TRIM66: variants seen among roughly 807,000 people sequenced by gnomAD.
TRIM66 encodes tripartite motif-containing protein 66.
Under a neutral mutation model 148.2 loss-of-function variants are expected in TRIM66, and 99 were observed. The ratio of observed to expected loss-of-function variants is 0.67; its 90% CI spans 0.57 to 0.79. The LOEUF is 0.79. Among genes scored for constraint, TRIM66 ranks in the 30% least tolerant of loss-of-function variants. The pLI is 0.00. For synonymous variants in TRIM66, 616 were observed against 635.9 expected (o/e 0.97, Z 0.47); for missense variants, 1,666 against 1,697.9 (o/e 0.98, Z 0.33).
At chr11:8,628,109 G>A (rs953681872) in intron 15 of TRIM66, among the ~76,000 whole-genome samples, 1 of 152,102 alleles carries the variant, frequency 6.6e-6, no homozygotes, top group Non-Finnish European at 1.5e-5. Context: ...TGGGATTACA[G>A]GCATGAACCA....
chr11:8,644,845 C>T (rs1394042793), intron 12 of TRIM66, among the ~76,000 whole-genome samples: 1 of 152,212 alleles, frequency 6.6e-6, no homozygotes, highest in African/African-American at 2.4e-5. Flanking sequence ...CAGAAGATAG[C>T]CTGATTCCCA....
chr11:8,666,019 C>A (rs1348864060), intron 6 of TRIM66, among the ~76,000 whole-genome samples: 1 of 151,714 alleles, frequency 6.6e-6, no homozygotes, highest in Non-Finnish European at 1.5e-5. Context: ...TAACCATGAC[C>A]CAGCCAGACT....
rs1406167240 is a variant in TRIM66, at chr11:8,619,545, G to A, written c.3748-10C>T. The A allele has an allele frequency of 6.6e-7, 1 of 1,521,916 alleles. No individual in the cohort carries two copies. 94.3% of individuals were successfully genotyped at this position (1,521,916 alleles called of 1,614,324 possible). On this transcript the variant is annotated splice_polypyrimidine_tract_variant and intron_variant, in intron 22 of 24. Coordinates refer to ENST00000646038, the MANE Select transcript of TRIM66 (RefSeq NM_001388022.1). Reference sequence around the variant, plus strand: ...GGTAATAATGCCGGGCCTTGGGGGAGGAGACATGAGGAGAAGGAGGCAAAG... The same window carrying A: ...GGTAATAATGCCGGGCCTTGGGGGAAGAGACATGAGGAGAAGGAGGCAAAG...
intron 1 of TRIM66, among the ~76,000 whole-genome samples, chr11:8,680,341 G>A (rs12363135): frequency 0.045 from 6,839 of 152,306 alleles, 181 homozygotes; most frequent in Admixed American, 0.076. Flanking sequence ...GAATACTAAC[G>A]TGGTGGAGGT....
intron 13 of TRIM66, among the ~76,000 whole-genome samples, chr11:8,642,423 C>T (rs77232328): frequency 0.042 from 6,411 of 152,282 alleles, 199 homozygotes; most frequent in Non-Finnish European, 0.057. Context: ...GTTTAACACT[C>T]GTTAGGCTGT....
intron 17 of TRIM66, among the ~76,000 whole-genome samples, chr11:8,623,576 T>C (rs1376915137): frequency 6.6e-6 from 1 of 152,192 alleles, no homozygotes; most frequent in Non-Finnish European, 1.5e-5. Flanking sequence ...TTATTACACA[T>C]ATAGGAAACA....
upstream of TRIM66, chr11:8,682,882 C>T (rs1487082590): frequency 3.2e-6 from 5 of 1,546,416 alleles, no homozygotes; most frequent in African/African-American, 2.8e-5. Flanking sequence ...ATTCCCATTG[C>T]CCCTAGTCAT....
In TRIM66 at chr11:8,621,673, C is replaced by T; in HGVS notation, c.3227G>A (p.Gly1076Asp). The T allele has an allele frequency of 1.3e-6, 2 of 1,545,714 alleles. No individual in the cohort carries two copies. The highest frequency in any genetic ancestry group is 1.7e-4 in the Middle Eastern group (1 of 5,964). Reference protein sequence around the residue: ...DGSFLLIIECGTESSSMSIKV... With the variant: ...DGSFLLIIECDTESSSMSIKV... The stretch of plus-strand genomic sequence containing the variant: ...AATGGACATGCTGGAGGACTCAGTG[C>T]CACACTCGATGATCAGCAGGAAGCT... The change falls in exon 19 of 25, where the codon GGC (glycine) becomes GAC (aspartate). Residue 1076 changes from glycine (G) to aspartate (D), a missense_variant. Transcript: ENST00000646038.
rs1333076174 is a variant in TRIM66 at position 8,620,090 on chromosome 11, T to C, written c.3707A>G (p.Asn1236Ser). The part of the protein sequence containing the change: ...CEKLVLSLCC[N>S]NLSLPFHEPV... ...TTCATGGAAGGGCAGGCTGAGGTTA[T>C]TGCAGCACAAGGACAATACCAGCTT... Residue 1236 changes from asparagine (N) to serine (S), a missense_variant, in exon 22 of 25, where the codon AAT becomes AGT. Asn to Ser is a conservative substitution (Grantham distance 46). Around this residue, in one of 3 missense-constraint regions of TRIM66, gnomAD observed 204 missense variants for 231.0 expected, o/e 0.88. Coordinates refer to ENST00000646038, the MANE Select transcript of TRIM66 (RefSeq NM_001388022.1). 5.2e-6 allele frequency: 8 copies of C among 1,551,584 alleles called. No individual in the cohort carries two copies. The Admixed American group carries it at 5.9e-5, about 11-fold the overall frequency.
chr11:8,683,016 G>A (rs1009174182), upstream of TRIM66: 49 of 862,926 alleles, frequency 5.7e-5, no homozygotes, highest in South Asian at 7.9e-4. Flanking sequence ...GGATCTCTAG[G>A]ACACGCGGGC....
chr11:8,670,527 G>C (rs1254739672), intron 6 of TRIM66, among the ~76,000 whole-genome samples: 1 of 152,192 alleles, frequency 6.6e-6, no homozygotes, highest in East Asian at 1.9e-4. Flanking sequence ...GGATTTTCAA[G>C]AGTTCTTTAA....
At position 8,622,365 on chromosome 11, in the gene TRIM66, C is replaced by CACACACACACAT; in HGVS notation, c.3080+450_3080+451insATGTGTGTGTGT. ...ACACACACACACACACACACACACA[C>CACACACACACAT]ATATATATATATATATATCTCCTAC... On this transcript the variant is annotated intron_variant, in intron 18 of 24. Transcript: ENST00000646038. Among the ~76,000 whole-genome samples, 33 of 59,532 alleles carry CACACACACACAT rather than the reference C, an allele frequency of 5.5e-4. 4 individuals are homozygous for CACACACACACAT. Among genetic ancestry groups the CACACACACACAT allele is most frequent in the South Asian group, 1.6e-3 (3 of 1,834 alleles). The allele number at this position is 59,532 out of a possible 152,430, so 39.1% of individuals were successfully genotyped here.
At chr11:8,623,921 TAGAGAGAAAGAAATCAGTTG>T in intron 17 of TRIM66, among the ~76,000 whole-genome samples, 1 of 152,348 alleles carries the variant, frequency 6.6e-6, no homozygotes, top group Non-Finnish European at 1.5e-5. Context: ...TGGCCCCATT[TAGAGAGAAAGAAATCAGTTG>T]AGGGAGGTTA....
In TRIM66 at chr11:8,613,752, TAC is replaced by T. The variant is rs1345576085; in HGVS notation, c.*4190_*4191del. On this transcript the variant is annotated 3_prime_UTR_variant, in exon 25 of 25. Coordinates refer to ENST00000646038, the MANE Select transcript of TRIM66 (RefSeq NM_001388022.1). ...CAAGAATGGAGGGGTTGGGGAGAGT[TAC>T]AGACACAGATGAATGAGAGGGGAGA... 1 of 152,040 alleles carries T rather than the reference TAC, an allele frequency of 6.6e-6. No homozygotes were observed. The highest frequency in any genetic ancestry group is 2.4e-5 in the African/African-American group (1 of 41,320). 9.4% of individuals were successfully genotyped at this position (152,040 alleles called of 1,614,324 possible).
intron 4 of TRIM66, among the ~76,000 whole-genome samples, chr11:8,672,971 G>T: frequency 1.7e-5 from 2 of 118,012 alleles, no homozygotes; most frequent in Non-Finnish European, 1.7e-5. Flanking sequence ...ATGGAGTCTT[G>T]CTCTGTTGCC....
intron 13 of TRIM66, among the ~76,000 whole-genome samples, chr11:8,642,189 G>C (rs1202974372): frequency 6.6e-6 from 1 of 152,272 alleles, no homozygotes; most frequent in Middle Eastern, 3.4e-3. Context: ...TTACTTAGAA[G>C]AAGTCTGAGC....
At chr11:8,619,001 C>T in intron 23 of TRIM66, 33 bp from the exon 24 acceptor site, 1 of 1,534,342 alleles carries the variant, frequency 6.5e-7, no homozygotes, top group Non-Finnish European at 8.8e-7. Flanking sequence ...ATGGTCTAGC[C>T]TGTTTCTACC....
chr11:8,681,652 GCTA>G (rs1488009982), intron 1 of TRIM66, among the ~76,000 whole-genome samples: 5 of 144,880 alleles, frequency 3.5e-5, no homozygotes, highest in Non-Finnish European at 6.2e-5. Context: ...AAGACATGCT[GCTA>G]TTAGCGAAGA....
At position 8,617,763 on chromosome 11, in the gene TRIM66, T is replaced by C; in HGVS notation, c.*181A>G. ...CTGTTTATTACTGAAATCTTCTCTG[T>C]AGTGGATGTACTACGGCTCCCAAAT... On this transcript the variant is annotated 3_prime_UTR_variant, in exon 25 of 25. Transcript: ENST00000646038. 1 of 605,884 alleles carries C rather than the reference T, an allele frequency of 1.7e-6. No individual in the cohort carries two copies. Among genetic ancestry groups the C allele is most frequent in the Non-Finnish European group, 3.0e-6 (1 of 338,574 alleles). The allele number at this position is 605,884 out of a possible 1,614,324, so 37.5% of individuals were successfully genotyped here.
Sources: gnomAD v4.1 joint callset for allele counts (sites outside exome capture counted in the v4.1 genomes callset) on GRCh38, gnomAD v4.1.1 for gene constraint, gnomAD v4.1.1 regional missense constraint, MANE v1.5 for transcripts, NCBI Gene and HGNC (gene_info 2026-07-23, HGNC 2026-07-21) for gene names.